Variants in ZFHX3 observed in about 807,000 individuals in gnomAD.
ZFHX3 encodes the protein zinc finger homeobox protein 3.
In ZFHX3, 42 loss-of-function variants were observed where a neutral mutation model predicts 279.1. The observed-to-expected ratio is 0.15, with a 90% confidence interval of 0.12 to 0.19. ZFHX3 has a LOEUF of 0.19. ZFHX3 is among the 10% of genes least tolerant of loss of function. The pLI is 1.00. For synonymous variants in ZFHX3, 2,293 were observed against 1,957.8 expected, an observed-to-expected ratio of 1.17 and a Z score of -4.52; for missense variants, 4,981 against 4,754.0, an observed-to-expected ratio of 1.05 and a Z score of -1.40.
intron 4 of ZFHX3, among the ~76,000 whole-genome samples, chr16:72,841,307 TGG>T: frequency 6.6e-6 from 1 of 152,186 alleles, no homozygotes; most frequent in South Asian, 2.1e-4. Context: ...TGACATTTCC[TGG>T]GAAACTGCAA....
At chr16:73,140,129 T>C (rs962275840) in intron 6 of ZFHX3, among the ~76,000 whole-genome samples, 1 of 151,948 alleles carries the variant, frequency 6.6e-6, no homozygotes, top group Non-Finnish European at 1.5e-5. Context: ...TAGCTGGGCA[T>C]GGTGGGCACG....
At chr16:73,874,629 A>G (rs1401264767) in intron 1 of ZFHX3, among the ~76,000 whole-genome samples, 1 of 152,124 alleles carries the variant, frequency 6.6e-6, no homozygotes, top group East Asian at 1.9e-4. Flanking sequence ...GTAACACCCT[A>G]ATTTTTTACA....
intron 4 of ZFHX3, among the ~76,000 whole-genome samples, chr16:73,278,374 T>G (rs2014358289): frequency 6.6e-6 from 1 of 152,230 alleles, no homozygotes; most frequent in South Asian, 2.1e-4. Flanking sequence ...AAAGTTGTGG[T>G]TGCTTGCTTG....
intron 7 of ZFHX3, among the ~76,000 whole-genome samples, chr16:72,808,564 T>G (rs1224916198): frequency 1.3e-5 from 2 of 152,224 alleles, no homozygotes; most frequent in South Asian, 4.1e-4. Flanking sequence ...TCCATTGACT[T>G]TCCCTTGTTG....
At chr16:73,156,621 T>C (rs1967091106) in intron 5 of ZFHX3, among the ~76,000 whole-genome samples, 1 of 152,198 alleles carries the variant, frequency 6.6e-6, no homozygotes, top group Non-Finnish European at 1.5e-5. Flanking sequence ...AGTGGGGTGA[T>C]CCTGGCTCTC....
intron 1 of ZFHX3, among the ~76,000 whole-genome samples, chr16:73,695,748 G>A (rs1303023143): frequency 1.3e-5 from 2 of 152,112 alleles, no homozygotes; most frequent in African/African-American, 4.8e-5. Context: ...CCGAATACAG[G>A]GCAGTGCCTG....
intron 1 of ZFHX3, among the ~76,000 whole-genome samples, chr16:73,057,765 C>T (rs1425692716): frequency 1.3e-5 from 2 of 151,172 alleles, no homozygotes; most frequent in Non-Finnish European, 3.0e-5. Flanking sequence ...TAGAGGATCG[C>T]GCGGCCGCCT....
At chr16:73,783,969 G>C (rs1468543526) in intron 1 of ZFHX3, among the ~76,000 whole-genome samples, 1 of 152,106 alleles carries the variant, frequency 6.6e-6, no homozygotes, top group Non-Finnish European at 1.5e-5. Flanking sequence ...CAAACCCTGG[G>C]TGTCTTTAGA....
Position 73,777,143 on chromosome 16 carries a change from T to C in ZFHX3, c.-1607-96903A>G, listed in dbSNP as rs182868885. On this transcript the variant is annotated intron_variant, in intron 1 of 17. Transcript: ENST00000641206. ...CTGTGGTCCTGCCACAATTTCCCTT[T>C]CTCATATGTGCAGGGCAAGGATCCC... Among the ~76,000 whole-genome samples, 190 of 152,252 alleles carry C rather than the reference T, an allele frequency of 1.2e-3. 1 individual carries two copies. Among genetic ancestry groups the C allele is most frequent in the African/African-American group, 3.9e-3 (162 of 41,544 alleles).
intron 2 of ZFHX3, among the ~76,000 whole-genome samples, chr16:73,557,360 A>G (rs990033570): frequency 7.2e-5 from 11 of 152,166 alleles, no homozygotes; most frequent in Non-Finnish European, 1.6e-4. Flanking sequence ...CCCAGACCTC[A>G]AGAGAGGATT....
chr16:73,475,988 C>T (rs2018758508), intron 2 of ZFHX3, among the ~76,000 whole-genome samples: 2 of 152,018 alleles, frequency 1.3e-5, no homozygotes, highest in African/African-American at 2.4e-5. Context: ...AGATTCTTCC[C>T]AGAGGTTAAG....
At chr16:73,031,867 G>A (rs1249232876) in intron 1 of ZFHX3, among the ~76,000 whole-genome samples, 1 of 152,144 alleles carries the variant, frequency 6.6e-6, no homozygotes, top group Non-Finnish European at 1.5e-5. Flanking sequence ...AGTGGGGAAG[G>A]GGGGTGAAGG....
chr16:73,624,642 G>A (rs1488037341), intron 2 of ZFHX3, among the ~76,000 whole-genome samples: 8 of 146,306 alleles, frequency 5.5e-5, no homozygotes, highest in Non-Finnish European at 6.0e-5. Flanking sequence ...CTATCCCCCA[G>A]AAAAAAAAAA....
intron 7 of ZFHX3, among the ~76,000 whole-genome samples, chr16:73,104,221 G>GTATTTATGTATTTATGTATT (rs142056511): frequency 4.0e-5 from 6 of 151,506 alleles, no homozygotes; most frequent in Non-Finnish European, 8.8e-5. Context: ...TTTATTTTAT[G>GTATTTATGTATTTATGTATT]TATTTATTTA....
At chr16:73,580,511 A>ACAAAC (rs199777986) in intron 2 of ZFHX3, among the ~76,000 whole-genome samples, 16 of 149,738 alleles carry the variant, frequency 1.1e-4, no homozygotes, top group East Asian at 3.9e-4. Flanking sequence ...AAACAAACAA[A>ACAAAC]AAAAAAAAAA....
At position 72,787,580 on chromosome 16, in the gene ZFHX3, T is replaced by C; in HGVS notation, c.10696A>G (p.Lys3566Glu). The C allele has an allele frequency of 6.2e-7, 1 of 1,613,918 alleles. No homozygotes were observed. The highest frequency in any genetic ancestry group is 1.3e-5 in the African/African-American group (1 of 74,976). ...TGAGGTAATAAACTAGGGTGCTCTTTGGCGTTTCTTGCTGCTCTCGTGATT... is the reference window on the plus strand; with the variant it reads ...TGAGGTAATAAACTAGGGTGCTCTTCGGCGTTTCTTGCTGCTCTCGTGATT... ...RTITRAARNA[K>E]EHPSLLPHSA... Residue 3566 changes from lysine (K) to glutamate (E), a missense_variant, in exon 10 of 10, where the codon AAA (lysine) becomes GAA (glutamate). Coordinates refer to ENST00000268489, the MANE Select transcript of ZFHX3 (RefSeq NM_006885.4).
intron 3 of ZFHX3, among the ~76,000 whole-genome samples, chr16:72,918,166 C>T (rs561222824): frequency 4.6e-5 from 7 of 152,284 alleles, no homozygotes; most frequent in South Asian, 4.2e-4. Context: ...CAAAAGACCA[C>T]GTCCCATCAA....
intron 4 of ZFHX3, among the ~76,000 whole-genome samples, chr16:73,278,389 T>C (rs2014359475): frequency 6.6e-6 from 1 of 152,208 alleles, no homozygotes; most frequent in South Asian, 2.1e-4. Flanking sequence ...TGCTTGCTTG[T>C]AATGTGTCTG....
chr16:72,914,986 AT>A (rs1198460130), intron 3 of ZFHX3, among the ~76,000 whole-genome samples: 1 of 152,140 alleles, frequency 6.6e-6, no homozygotes, highest in Non-Finnish European at 1.5e-5. Context: ...GTGAGACTCC[AT>A]CTAAAAGCAA....
Sources: allele counts gnomAD v4.1 joint callset (sites outside exome capture counted in the v4.1 genomes callset), GRCh38; gene constraint gnomAD v4.1.1; transcripts MANE v1.5; gene names NCBI Gene and HGNC (gene_info 2026-07-23, HGNC 2026-07-21).